The following ACTR5 variants were observed in gnomAD, a reference collection of about 807,000 sequenced individuals.
ACTR5 encodes actin related protein 5.
Under a neutral mutation model 61.2 loss-of-function variants are expected in ACTR5, and 43 were observed. That is an observed-to-expected ratio of 0.70 (90% CI 0.55 to 0.91). The LOEUF is 0.91. Ranked by LOEUF, ACTR5 falls within the 40% of genes least tolerant of loss-of-function variation. The pLI is 0.00. For synonymous variants in ACTR5, 333 were observed against 310.5 expected, an observed-to-expected ratio of 1.07 and a Z score of -0.76; for missense variants, 798 against 782.2, an observed-to-expected ratio of 1.02 and a Z score of -0.24.
chr20:38,753,656 A>G (rs904343559), intron 3 of ACTR5, among the ~76,000 whole-genome samples: 4 of 152,094 alleles, frequency 2.6e-5, no homozygotes, highest in Admixed American at 2.6e-4. Flanking sequence ...TAATCTACCT[A>G]TATCATTATA....
chr20:38,752,031 T>C, intron 2 of ACTR5, 100 bp from the exon 3 acceptor site: 1 of 1,356,198 alleles, frequency 7.4e-7, no homozygotes, highest in Non-Finnish European at 1.0e-6. Context: ...TGCTGGTCTG[T>C]TTCTTCTTTA....
intron 5 of ACTR5, among the ~76,000 whole-genome samples, chr20:38,756,812 G>A (rs1347611996): frequency 1.3e-5 from 2 of 152,246 alleles, no homozygotes; most frequent in East Asian, 3.8e-4. Context: ...GCTGAGGCAG[G>A]AGAATCACTT....
chr20:38,763,085 A>G (rs1189340401), intron 5 of ACTR5, among the ~76,000 whole-genome samples: 3 of 152,190 alleles, frequency 2.0e-5, no homozygotes, highest in Admixed American at 1.3e-4. Context: ...CAGCTCTAGT[A>G]CTGTGACCTT....
intron 2 of ACTR5, among the ~76,000 whole-genome samples, chr20:38,751,027 G>A (rs562429170): frequency 1.2e-4 from 18 of 152,294 alleles, no homozygotes; most frequent in Middle Eastern, 3.4e-3. Context: ...TGAATAAAAG[G>A]CAAGGGTAGT....
At chr20:38,770,017 C>A (rs1405834893) in intron 8 of ACTR5, among the ~76,000 whole-genome samples, 1 of 152,220 alleles carries the variant, frequency 6.6e-6, no homozygotes, top group African/African-American at 2.4e-5. Context: ...ATGAATTACT[C>A]TGTGAGCATT....
intron 5 of ACTR5, among the ~76,000 whole-genome samples, chr20:38,756,499 G>A (rs2084420916): frequency 6.6e-6 from 1 of 152,194 alleles, no homozygotes; most frequent in South Asian, 2.1e-4. Flanking sequence ...AATAATATAT[G>A]TATAGGTTGC....
In ACTR5 at chr20:38,751,992, C is replaced by G. The variant is rs940075680; in HGVS notation, c.606-139C>G. 7.2e-6 allele frequency: 7 copies of G among 976,302 alleles called. No homozygotes were observed. The East Asian group carries it at 1.9e-4, about 26-fold the overall frequency. The allele number at this position is 976,302 out of a possible 1,614,324, so 60.5% of individuals were successfully genotyped here. ...TTATACCAGGGGAACTTCAACGTCCCTTCTGACTATCAGGTTTTGTATTTC... is the reference window on the plus strand; with the variant it reads ...TTATACCAGGGGAACTTCAACGTCCGTTCTGACTATCAGGTTTTGTATTTC... On this transcript the variant is annotated intron_variant, in intron 2 of 8. Transcript: ENST00000243903.
In ACTR5 at chr20:38,771,929, G is replaced by GAC; in HGVS notation, c.*113_*114insAC. On this transcript the variant is annotated 3_prime_UTR_variant, in exon 9 of 9. Coordinates refer to ENST00000243903, the MANE Select transcript of ACTR5 (RefSeq NM_024855.4). ...TGCCCAAGTCTGCTGGTCACATTTGGCAGCAAAATGGATTTCTCCTGGGGA... is the reference window on the plus strand; with the variant it reads ...TGCCCAAGTCTGCTGGTCACATTTGGACCAGCAAAATGGATTTCTCCTGGGGA... 1 of 1,409,746 alleles carries GAC rather than the reference G, an allele frequency of 7.1e-7. No homozygotes were observed. The highest frequency in any genetic ancestry group is 9.4e-7 in the Non-Finnish European group (1 of 1,064,522). 87.3% of individuals were successfully genotyped at this position (1,409,746 alleles called of 1,614,324 possible).
Position 38,752,139 on chromosome 20 carries a change from C to A in ACTR5, c.614C>A (p.Ala205Asp), listed in dbSNP as rs751030841. ...VLPILEGRLD[A>D]KNCKRINLGG... is the part of the protein sequence containing the mutation. The stretch of plus-strand genomic sequence containing the variant: ...CTACTGCTTGGTTATAGATTAGATG[C>A]TAAAAACTGCAAGCGCATCAATCTT... Residue 205 changes from alanine to aspartate, a missense_variant, in exon 3 of 9, where the codon GCT becomes GAT. Transcript: ENST00000243903. 1 of 1,613,146 alleles carries A rather than the reference C, an allele frequency of 6.2e-7. No individual in the cohort carries two copies. The highest frequency in any genetic ancestry group is 8.5e-7 in the Non-Finnish European group (1 of 1,179,308).
intron 8 of ACTR5, among the ~76,000 whole-genome samples, chr20:38,769,301 A>G (rs543192974): frequency 6.6e-6 from 1 of 152,348 alleles, no homozygotes; most frequent in East Asian, 1.9e-4. Context: ...GTAAGGGAAG[A>G]GACAGCCACT....
Position 38,766,322 on chromosome 20 carries a change from C to G in ACTR5, c.1378C>G (p.Leu460Val). 2 of 1,614,106 alleles carry G rather than the reference C, an allele frequency of 1.2e-6. No homozygotes were observed. The highest frequency in any genetic ancestry group is 8.5e-7 in the Non-Finnish European group (1 of 1,180,018). Residue 460 changes from leucine (L) to valine (V), a missense_variant, in exon 7 of 9, where the codon CTC becomes GTC. By Grantham distance (32) the Leu-to-Val change is conservative. Coordinates refer to ENST00000243903, the MANE Select transcript of ACTR5 (RefSeq NM_024855.4). Reference sequence around the variant, plus strand: ...TCCAGAGATTATTTTCCAGCCATCTCTCATAGGAGAAGAACAGGCTGGGAT... The same window carrying G: ...TCCAGAGATTATTTTCCAGCCATCTGTCATAGGAGAAGAACAGGCTGGGAT... ...RAPEIIFQPS[L>V]IGEEQAGIAE... is the part of the protein sequence containing the mutation.
At chr20:38,756,259 G>A (rs1253596750) in intron 5 of ACTR5, among the ~76,000 whole-genome samples, 1 of 152,196 alleles carries the variant, frequency 6.6e-6, no homozygotes, top group Admixed American at 6.5e-5. Context: ...TGCATTTAAC[G>A]TAGGAAGAAC....
At chr20:38,757,092 A>G (rs1009560545) in intron 5 of ACTR5, among the ~76,000 whole-genome samples, 1 of 151,812 alleles carries the variant, frequency 6.6e-6, no homozygotes, top group Non-Finnish European at 1.5e-5. Context: ...TGCCTAAGTC[A>G]TTTTTACAAT....
intron 2 of ACTR5, among the ~76,000 whole-genome samples, chr20:38,751,494 A>G (rs1257143501): frequency 6.6e-6 from 1 of 152,234 alleles, no homozygotes; most frequent in Non-Finnish European, 1.5e-5. Flanking sequence ...GAAGGCTGGG[A>G]AATTATCAGA....
chr20:38,760,800 C>T (rs890982567), intron 5 of ACTR5, among the ~76,000 whole-genome samples: 1 of 152,052 alleles, frequency 6.6e-6, no homozygotes, highest in Non-Finnish European at 1.5e-5. Flanking sequence ...GATGGTAGTG[C>T]CTTTTGACCA....
rs1395260657 is a variant in ACTR5 at position 38,771,735 on chromosome 20, G to A, written c.1743G>A (p.Lys581=). 6.2e-7 allele frequency: 1 copy of A among 1,614,184 alleles called. No individual in the cohort carries two copies. The highest frequency in any genetic ancestry group is 1.6e-4 in the Middle Eastern group (1 of 6,062). The change falls in exon 9 of 9, where the codon AAG becomes AAA. Residue 581 remains lysine (K), a synonymous_variant. Coordinates refer to ENST00000243903, the MANE Select transcript of ACTR5 (RefSeq NM_024855.4). The part of the protein sequence containing the change: ...SNIYVPIRLP[K]QASRSSDAQA... ...TCTATGTCCCCATCCGCCTGCCGAAGCAGGCCTCCCGCTCCTCAGATGCCC... is the reference window on the plus strand; with the variant it reads ...TCTATGTCCCCATCCGCCTGCCGAAACAGGCCTCCCGCTCCTCAGATGCCC...
intron 8 of ACTR5, among the ~76,000 whole-genome samples, chr20:38,769,266 A>G (rs2247983): frequency 0.24 from 36,773 of 151,954 alleles, 4,602 homozygotes; most frequent in Middle Eastern, 0.35. Flanking sequence ...GTCTTTCCCT[A>G]TGTTCCTTAC....
At chr20:38,771,223 C>A (rs984612428) in intron 8 of ACTR5, among the ~76,000 whole-genome samples, 1 of 152,226 alleles carries the variant, frequency 6.6e-6, no homozygotes, top group Non-Finnish European at 1.5e-5. Flanking sequence ...GGCCTTTTCC[C>A]CAGGTCACGG....
intron 6 of ACTR5, among the ~76,000 whole-genome samples, 172 bp downstream of exon 6, chr20:38,765,690 G>C (rs189418425): frequency 6.6e-6 from 1 of 152,160 alleles, no homozygotes; most frequent in Non-Finnish European, 1.5e-5. Context: ...TGATCGATTG[G>C]TTCTAGTACC....
Sources: gnomAD v4.1 joint callset for allele counts (sites outside exome capture counted in the v4.1 genomes callset) on GRCh38, gnomAD v4.1.1 for gene constraint, MANE v1.5 for transcripts, NCBI Gene and HGNC (gene_info 2026-07-23, HGNC 2026-07-21) for gene names.